The following UBR1 variants were observed in gnomAD, a reference collection of about 807,000 sequenced individuals.
UBR1 encodes E3 ubiquitin-protein ligase UBR1.
UBR1 carries 102 observed loss-of-function variants against 242.1 expected under a neutral mutation model. That is an observed-to-expected ratio of 0.42 (90% confidence interval 0.36 to 0.50). The LOEUF is 0.50. UBR1 is among the 20% of genes least tolerant of loss of function. The pLI is 0.01. For missense variants in UBR1, 1,772 were observed against 2,101.8 expected, an observed-to-expected ratio of 0.84 and a Z score of 3.07; for synonymous variants, 675 against 684.8, an observed-to-expected ratio of 0.99 and a Z score of 0.22.
intron 5 of UBR1, among the ~76,000 whole-genome samples, chr15:43,069,272 G>A (rs2033793716): frequency 6.6e-6 from 1 of 151,706 alleles, no homozygotes; most frequent in East Asian, 1.9e-4. Context: ...GGCTACATAT[G>A]TGTTCAGTAT....
intron 29 of UBR1, among the ~76,000 whole-genome samples, chr15:43,009,537 C>A (rs1003358031): frequency 2.0e-5 from 3 of 152,220 alleles, no homozygotes; most frequent in Non-Finnish European, 4.4e-5. Context: ...CCCAGAAAGA[C>A]CAAGCAAAAT....
At chr15:43,057,973 G>A (rs988872881) in intron 10 of UBR1, among the ~76,000 whole-genome samples, 12 of 151,426 alleles carry the variant, frequency 7.9e-5, no homozygotes, top group African/African-American at 1.9e-4. Context: ...GCAGTGGCGC[G>A]ATCTTGGCTC....
chr15:43,025,433 T>C lies in UBR1; in HGVS notation c.2536-4A>G, dbSNP rs1390012580. 2 of 1,598,160 alleles carry C rather than the reference T, an allele frequency of 1.3e-6. No individual in the cohort carries two copies. Among genetic ancestry groups the C allele is most frequent in the African/African-American group, 1.3e-5 (1 of 74,694 alleles). On this transcript the variant is annotated splice_region_variant and splice_polypyrimidine_tract_variant and intron_variant, in intron 23 of 46. Coordinates refer to ENST00000290650, the MANE Select transcript of UBR1 (RefSeq NM_174916.3). The stretch of plus-strand genomic sequence containing the variant: ...TTTTCTTCTGCATATGTTCAGCCTA[T>C]AAAAAAATCTATCATTAAATATACT...
intron 33 of UBR1, among the ~76,000 whole-genome samples, chr15:42,991,062 G>A (rs780345778): frequency 1.3e-4 from 19 of 151,634 alleles, no homozygotes; most frequent in Non-Finnish European, 2.2e-4. Context: ...ATCAATTGAG[G>A]TCAGGAGTTC....
At chr15:43,048,537 G>T (rs1302092302) in intron 12 of UBR1, 46 bp from the exon 13 acceptor site, 1 of 1,494,276 alleles carries the variant, frequency 6.7e-7, no homozygotes, top group Non-Finnish European at 9.3e-7. Context: ...TCTATTTTGA[G>T]ATAATTTTAA....
chr15:43,074,636 G>A (rs913748757), intron 4 of UBR1, among the ~76,000 whole-genome samples: 6 of 152,028 alleles, frequency 3.9e-5, no homozygotes, highest in African/African-American at 1.5e-4. Flanking sequence ...CATCATGTTG[G>A]CCAGGCTGGT....
At chr15:42,990,963 C>CT (rs778351226) in intron 33 of UBR1, among the ~76,000 whole-genome samples, 181 of 143,932 alleles carry the variant, frequency 1.3e-3, no homozygotes, top group Middle Eastern at 3.6e-3. Flanking sequence ...GATTTTTAAT[C>CT]TTTTTTTTTT....
chr15:43,056,498 A>C, intron 10 of UBR1, 56 bp from the exon 11 acceptor site: 1 of 1,236,726 alleles, frequency 8.1e-7, no homozygotes, highest in East Asian at 2.3e-5. Context: ...CCTTTAAAAA[A>C]TCCCAATTTT....
intron 30 of UBR1, among the ~76,000 whole-genome samples, chr15:43,004,356 C>T (rs538025088): frequency 6.8e-6 from 1 of 146,578 alleles, no homozygotes; most frequent in Non-Finnish European, 1.6e-5. Flanking sequence ...TCTCCCTCCT[C>T]TCCTCTCCCT....
chr15:42,976,548 A>G (rs887189665), intron 39 of UBR1, among the ~76,000 whole-genome samples, 169 bp downstream of exon 39: 2 of 151,156 alleles, frequency 1.3e-5, no homozygotes, highest in African/African-American at 4.9e-5. Context: ...TTCACAGCTT[A>G]TTCTACCTTT....
At chr15:43,041,154 T>C (rs1233156510) in intron 15 of UBR1, among the ~76,000 whole-genome samples, 1 of 152,240 alleles carries the variant, frequency 6.6e-6, no homozygotes, top group Non-Finnish European at 1.5e-5. Context: ...GTATGTTTAT[T>C]GCAGCACTAT....
At chr15:43,009,672 A>C (rs531478865) in intron 29 of UBR1, among the ~76,000 whole-genome samples, 1 of 152,302 alleles carries the variant, frequency 6.6e-6, no homozygotes, top group East Asian at 1.9e-4. Context: ...GACTCAACCC[A>C]ATGATTCATC....
At chr15:42,950,066 T>C (rs1242027010) in intron 46 of UBR1, among the ~76,000 whole-genome samples, 196 bp downstream of exon 46, 1 of 151,982 alleles carries the variant, frequency 6.6e-6, no homozygotes, top group Non-Finnish European at 1.5e-5. Flanking sequence ...CTCAAACTCC[T>C]GGCCGCAAAT....
At chr15:43,102,208 T>C (rs1419330216) in intron 1 of UBR1, among the ~76,000 whole-genome samples, 1 of 152,162 alleles carries the variant, frequency 6.6e-6, no homozygotes, top group Non-Finnish European at 1.5e-5. Context: ...AGCAAGTCTT[T>C]TTGCTTCTTC....
chr15:42,979,028 G>A (rs2032334455), intron 37 of UBR1, among the ~76,000 whole-genome samples: 1 of 151,094 alleles, frequency 6.6e-6, no homozygotes, highest in Non-Finnish European at 1.5e-5. Flanking sequence ...CCGAGTAGCT[G>A]GGACCACAGG....
rs75459685 is a variant in UBR1, at chr15:43,049,240, G to A, written c.1440-749C>T. On this transcript the variant is annotated intron_variant, in intron 12 of 46. Coordinates refer to ENST00000290650, the MANE Select transcript of UBR1 (RefSeq NM_174916.3). The stretch of plus-strand genomic sequence containing the variant: ...ATAGTGGGAAAAACAGATACACACA[G>A]TAGACAGAAATTCAATGTTAAACAC... 3.9e-5 allele frequency among the ~76,000 whole-genome samples: 6 copies of A among 152,280 alleles called. No individual in the cohort carries two copies. The East Asian group carries it at 1.2e-3, about 29-fold the overall frequency.
At chr15:43,063,377 A>C (rs1304817679) in intron 6 of UBR1, among the ~76,000 whole-genome samples, 1 of 152,212 alleles carries the variant, frequency 6.6e-6, no homozygotes, top group Non-Finnish European at 1.5e-5. Context: ...GGTTTATCCT[A>C]CTGGTATGTG....
intron 15 of UBR1, among the ~76,000 whole-genome samples, chr15:43,041,620 G>C (rs2033419234): frequency 6.6e-6 from 1 of 152,048 alleles, no homozygotes; most frequent in South Asian, 2.1e-4. Context: ...AAAAAAATTA[G>C]ATTTGACAAT....
intron 35 of UBR1, among the ~76,000 whole-genome samples, chr15:42,987,266 T>A (rs559729808): frequency 6.6e-6 from 1 of 152,322 alleles, no homozygotes; most frequent in African/African-American, 2.4e-5. Context: ...CCAAGGCCAA[T>A]GAACCCACTC....
Sources: gnomAD v4.1 joint callset for allele counts (sites outside exome capture counted in the v4.1 genomes callset) on GRCh38, gnomAD v4.1.1 for gene constraint, MANE v1.5 for transcripts, NCBI Gene and HGNC (gene_info 2026-07-23, HGNC 2026-07-21) for gene names.